GNAS: variants seen among roughly 807,000 people sequenced by gnomAD.
The protein encoded by GNAS is protein ALEX.
Under a neutral mutation model 54.5 loss-of-function variants are expected in GNAS, and 8 were observed. The ratio of observed to expected loss-of-function variants is 0.15; its 90% confidence interval spans 0.09 to 0.26. GNAS has a LOEUF of 0.26. Ranked by LOEUF, GNAS falls within the 10% of genes least tolerant of loss-of-function variation. The pLI is 1.00. For missense variants in GNAS, 170 were observed against 529.8 expected, an observed-to-expected ratio of 0.32 and a Z score of 6.67; for synonymous variants, 204 against 191.4, an observed-to-expected ratio of 1.07 and a Z score of -0.54.
At chr20:58,842,366 G>A (rs1425042324) in intron 1 of GNAS, 1 of 398,160 alleles carries the variant, frequency 2.5e-6, no homozygotes, top group Non-Finnish European at 4.4e-6. Flanking sequence ...AGCGTTTTGA[G>A]GGCTTGAGAT....
intron 1 of GNAS, among the ~76,000 whole-genome samples, chr20:58,883,390 C>T (rs2088378100): frequency 6.6e-6 from 1 of 152,176 alleles, no homozygotes; most frequent in Non-Finnish European, 1.5e-5. Context: ...TTCAAGAAAG[C>T]AGGCAGAGGC....
chr20:58,909,005 A>G lies in GNAS; in HGVS notation c.531-157A>G, dbSNP rs1569027180. 2.6e-6 allele frequency: 2 copies of G among 767,586 alleles called. No homozygotes were observed. Among genetic ancestry groups the G allele is most frequent in the Admixed American group, 1.7e-5 (1 of 58,824 alleles). The allele number at this position is 767,586 out of a possible 1,614,324, so 47.5% of individuals were successfully genotyped here. On this transcript the variant is annotated intron_variant, in intron 6 of 12. Transcript: ENST00000371085. This position sits in a 1 kb window ranked among gnomAD's most constrained non-coding sequence, Gnocchi z 7.3. The stretch of plus-strand genomic sequence containing the variant: ...CTTAAGGCATCAGCTTTGAGTTACA[A>G]ATGTAACCAACACACAAGCAAATGT...
At chr20:58,905,251 A>G (rs1447926224) in intron 5 of GNAS, 132 bp from the exon 6 acceptor site, 2 of 699,276 alleles carry the variant, frequency 2.9e-6, no homozygotes, top group East Asian at 5.3e-5. Flanking sequence ...TAATTCATTA[A>G]TTGGGCTCAA....
At chr20:58,881,089 T>G (rs1014073395) in intron 1 of GNAS, among the ~76,000 whole-genome samples, 2 of 152,268 alleles carry the variant, frequency 1.3e-5, no homozygotes, top group Non-Finnish European at 2.9e-5. Context: ...GGTATCTTGT[T>G]GAAATGATGC....
At chr20:58,848,807 C>G in intron 1 of GNAS, 1 of 398,304 alleles carries the variant, frequency 2.5e-6, no homozygotes, top group Non-Finnish European at 4.4e-6. Flanking sequence ...TGGGTCAACT[C>G]CTCGAACATT....
At chr20:58,902,753 T>TTTTTTTTCG (rs2090743235) in intron 3 of GNAS, among the ~76,000 whole-genome samples, 1 of 125,060 alleles carries the variant, frequency 8.0e-6, no homozygotes, top group Non-Finnish European at 1.7e-5. Context: ...TTTTTTTTTT[T>TTTTTTTTCG]GACAGAGTCT....
Position 58,910,774 on chromosome 20 carries a change from A to G in GNAS, c.1130A>G (p.Asn377Ser), listed in dbSNP as rs764065202. ...ACTGAGAACATCCGCCGTGTGTTCA[A>G]CGACTGCCGTGACATCATTCAGCGC... is the stretch of plus-strand genomic sequence containing the variant. ...VDTENIRRVF[N>S]DCRDIIQRMH... The change falls in exon 13 of 13, where the codon AAC (asparagine) becomes AGC (serine). Residue 377 changes from asparagine to serine, a missense_variant. This residue lies in a region of GNAS where 36 missense variants were observed against 223.0 expected (regional missense o/e 0.16). Coordinates refer to ENST00000371085, the MANE Select transcript of GNAS (RefSeq NM_000516.7). The surrounding 1 kb of genome is among the most constrained non-coding windows in gnomAD (Gnocchi z 5.8). 14 of 1,614,198 alleles carry G rather than the reference A, an allele frequency of 8.7e-6. No homozygotes were observed. The highest frequency in any genetic ancestry group is 4.5e-5 in the East Asian group (2 of 44,886).
intron 3 of GNAS, chr20:58,900,519 A>G: frequency 5.6e-6 from 1 of 180,002 alleles, no homozygotes; most frequent in Non-Finnish European, 1.2e-5. Flanking sequence ...CCACTTAGTT[A>G]GCTGAAGCGG....
chr20:58,878,655 T>G (rs185279233), intron 1 of GNAS, among the ~76,000 whole-genome samples: 9 of 152,290 alleles, frequency 5.9e-5, no homozygotes, highest in African/African-American at 1.9e-4. Flanking sequence ...TGCGTGGTGA[T>G]TCTGCCTGCT....
intron 1 of GNAS, among the ~76,000 whole-genome samples, chr20:58,845,163 G>C (rs1196809473): frequency 6.6e-6 from 1 of 152,212 alleles, no homozygotes; most frequent in African/African-American, 2.4e-5. Context: ...GCTAACCACT[G>C]TGGGGGACGG....
rs1012653612 is a variant in GNAS, at chr20:58,856,598, A to T, written c.43+15712A>T. On this transcript the variant is annotated intron_variant, in intron 1 of 12. Coordinates refer to the GNAS transcript ENST00000306090. This position sits in a 1 kb window ranked among gnomAD's most constrained non-coding sequence, Gnocchi z 4.2. ...GACAAAGTATGGCAAAACCGTGAAT[A>T]TGACTTGTGAAAACAAGTAAATGTT... 6.6e-6 allele frequency: 1 copy of T among 152,372 alleles called. No homozygotes were observed. Among genetic ancestry groups the T allele is most frequent in the Non-Finnish European group, 1.5e-5 (1 of 68,044 alleles). The allele number at this position is 152,372 out of a possible 1,614,324, so 9.4% of individuals were successfully genotyped here. A position where few individuals can be genotyped will look rare whatever the true frequency, so the allele number is the denominator to read the frequency against.
intron 1 of GNAS, among the ~76,000 whole-genome samples, chr20:58,871,496 T>G (rs1263355920): frequency 6.6e-6 from 1 of 150,692 alleles, no homozygotes; most frequent in Non-Finnish European, 1.5e-5. Flanking sequence ...TGCCTGTAAT[T>G]CTAGCTACTC....
intron 1 of GNAS, chr20:58,854,198 T>A: frequency 6.2e-7 from 1 of 1,613,078 alleles, no homozygotes; most frequent in Non-Finnish European, 8.5e-7. Context: ...CGTTCGAGAT[T>A]GGCAGCGCCC....
chr20:58,891,916 G>A (rs1296664745), intron 1 of GNAS, 51 bp downstream of exon 1: 2 of 955,844 alleles, frequency 2.1e-6, no homozygotes. Context: ...CTCGAAGGGC[G>A]CCCCGCAGGC....
At chr20:58,865,731 G>A (rs1305090971) in intron 1 of GNAS, among the ~76,000 whole-genome samples, 1 of 151,582 alleles carries the variant, frequency 6.6e-6, no homozygotes. Context: ...ATGAGCCACC[G>A]TGTCCAACCC....
chr20:58,892,155 CTCTT>C, intron 1 of GNAS: 1 of 932,996 alleles, frequency 1.1e-6, no homozygotes, highest in Non-Finnish European at 1.3e-6. Context: ...CGCTCTCCCC[CTCTT>C]TCTCTCTTTC....
chr20:58,848,364 C>T (rs1207279391), intron 1 of GNAS, among the ~76,000 whole-genome samples: 3 of 152,176 alleles, frequency 2.0e-5, no homozygotes, highest in Non-Finnish European at 4.4e-5. Flanking sequence ...CATCCCAACT[C>T]GGCCTTTTTT....
At position 58,898,896 on chromosome 20, in the gene GNAS, G is replaced by T. The variant is rs1439163569; in HGVS notation, c.213-45G>T. ...GACTGTGTGGGGTTTGTGTGACACT[G>T]CGGTGCCTTGCAGATTAGGTGAGCT... On this transcript the variant is annotated intron_variant, in intron 2 of 12. Coordinates refer to ENST00000371085, the MANE Select transcript of GNAS (RefSeq NM_000516.7). 1.9e-6 allele frequency: 3 copies of T among 1,539,390 alleles called. No individual in the cohort carries two copies. In the Admixed American group the frequency reaches 5.0e-5, roughly 26 times the overall value.
intron 1 of GNAS, among the ~76,000 whole-genome samples, chr20:58,885,296 C>T (rs2079051752): frequency 1.3e-5 from 2 of 152,178 alleles, no homozygotes; most frequent in South Asian, 2.1e-4. Flanking sequence ...GCAAAACGTC[C>T]TCTTTGCCCT....
Sources: gnomAD v4.1 joint callset for allele counts (sites outside exome capture counted in the v4.1 genomes callset) on GRCh38, gnomAD v4.1.1 for gene constraint, gnomAD v4.1.1 regional missense constraint, Gnocchi (gnomAD v3.1) non-coding constraint, MANE v1.5 for transcripts, NCBI Gene and HGNC (gene_info 2026-07-23, HGNC 2026-07-21) for gene names.